TTC4: variants seen among roughly 807,000 people sequenced by gnomAD.
TTC4 encodes the protein hsp70/Hsp90 co-chaperone CNS1 homolog.
Under a neutral mutation model 51.9 loss-of-function variants are expected in TTC4, and 36 were observed. That is an observed-to-expected ratio of 0.69 (90% CI 0.53 to 0.92). The LOEUF is 0.92. TTC4 is among the 40% of genes least tolerant of loss of function. The pLI, the probability that TTC4 is intolerant of heterozygous loss-of-function variation, is 0.00. For missense variants in TTC4, 399 were observed against 454.6 expected (o/e 0.88, Z 1.11); for synonymous variants, 144 against 164.2 (o/e 0.88, Z 0.94).
At chr1:54,724,827 T>TA (rs911493218) in intron 5 of TTC4, among the ~76,000 whole-genome samples, 2 of 152,168 alleles carry the variant, frequency 1.3e-5, no homozygotes, top group African/African-American at 4.8e-5. Context: ...TTCTCCTCCA[T>TA]AAAATCAATG....
At chr1:54,720,338 A>T (rs1444953220) in intron 3 of TTC4, among the ~76,000 whole-genome samples, 1 of 152,146 alleles carries the variant, frequency 6.6e-6, no homozygotes, top group African/African-American at 2.4e-5. Context: ...ATTTAGGTAA[A>T]TACTAAACCA....
chr1:54,716,313 C>T (rs752973058), intron 1 of TTC4, among the ~76,000 whole-genome samples: 7 of 152,136 alleles, frequency 4.6e-5, no homozygotes, highest in Non-Finnish European at 8.8e-5. Context: ...ACTATATCAC[C>T]AATAGCAAAG....
At position 54,731,488 on chromosome 1, in the gene TTC4, T is replaced by G. The variant is rs151170000; in HGVS notation, c.684T>G (p.Ala228=). ...QNEALLQAIK[A]RNIRLSEAAC... ...GTGTGTTTCTGTCTTTAACCCAGGCTAGGAATATCAGGCTCTCAGAAGCTG... is the reference window on the plus strand; with the variant it reads ...GTGTGTTTCTGTCTTTAACCCAGGCGAGGAATATCAGGCTCTCAGAAGCTG... The change falls in exon 7 of 10, where the codon GCT becomes GCG. Residue 228 remains alanine (A), a splice_region_variant and synonymous_variant. Transcript: ENST00000371281. 3.7e-5 allele frequency: 60 copies of G among 1,613,810 alleles called. No homozygotes were observed. The highest frequency in any genetic ancestry group is 4.7e-5 in the Non-Finnish European group (56 of 1,179,838).
intron 9 of TTC4, among the ~76,000 whole-genome samples, chr1:54,740,029 C>T (rs10888874): frequency 0.12 from 18,090 of 152,032 alleles, 1,805 homozygotes; most frequent in African/African-American, 0.26. Context: ...CTATAGAAAT[C>T]TTTTTTATGG....
At chr1:54,728,477 T>C in intron 6 of TTC4, 45 bp downstream of exon 6, 1 of 1,554,944 alleles carries the variant, frequency 6.4e-7, no homozygotes, top group Non-Finnish European at 8.8e-7. Context: ...CTAAATCCAC[T>C]AATCCTGTGA....
intron 4 of TTC4, 62 bp from the exon 5 acceptor site, chr1:54,722,613 G>A (rs1016014557): frequency 6.3e-7 from 1 of 1,595,982 alleles, no homozygotes. Context: ...GGGAGATCTT[G>A]CCCAAAGCAG....
chr1:54,721,747 C>T (rs1433277404), intron 4 of TTC4, among the ~76,000 whole-genome samples: 1 of 152,222 alleles, frequency 6.6e-6, no homozygotes, highest in African/African-American at 2.4e-5. Flanking sequence ...ACATATTAAT[C>T]TTCCCTGCAT....
At chr1:54,732,868 T>C (rs1486793493) in intron 7 of TTC4, among the ~76,000 whole-genome samples, 1 of 151,932 alleles carries the variant, frequency 6.6e-6, no homozygotes, top group South Asian at 2.1e-4. Context: ...GGAGGATCAC[T>C]AGAGGCCAGG....
chr1:54,721,221 C>T lies in TTC4; in HGVS notation c.450C>T (p.His150=), dbSNP rs769400974. 2 of 1,613,176 alleles carry T rather than the reference C, an allele frequency of 1.2e-6. No individual in the cohort carries two copies. The highest frequency in any genetic ancestry group is 8.5e-7 in the Non-Finnish European group (1 of 1,179,476). Residue 150 remains histidine (H), a synonymous_variant, in exon 4 of 10, where the codon CAC becomes CAT. Coordinates refer to ENST00000371281, the MANE Select transcript of TTC4 (RefSeq NM_004623.5). The part of the protein sequence containing the change: ...VTAARKLKPC[H]LKAIIRGALC... ...CTGCCAGAAAGCTAAAACCCTGCCA[C>T]CTCAAAGCAATAATAAGAGGTAAGT...
At chr1:54,737,817 C>T (rs562472620) in intron 9 of TTC4, among the ~76,000 whole-genome samples, 153 bp downstream of exon 9, 24 of 152,312 alleles carry the variant, frequency 1.6e-4, no homozygotes, top group Admixed American at 2.6e-4. Flanking sequence ...CTGGGGATGC[C>T]TCACAATCAT....
intron 6 of TTC4, among the ~76,000 whole-genome samples, chr1:54,730,457 T>A (rs955940275): frequency 4.6e-5 from 7 of 152,204 alleles, no homozygotes; most frequent in African/African-American, 1.7e-4. Context: ...TTTGTTTATG[T>A]ACTACTTATG....
intron 1 of TTC4, 59 bp downstream of exon 1, chr1:54,716,078 C>T (rs1245979193): frequency 2.9e-6 from 4 of 1,402,956 alleles, no homozygotes; most frequent in Non-Finnish European, 3.9e-6. Flanking sequence ...TCGTGGGGCA[C>T]CCGGGCTCTG....
chr1:54,719,800 T>C (rs552581747), intron 3 of TTC4, among the ~76,000 whole-genome samples: 20 of 152,268 alleles, frequency 1.3e-4, no homozygotes, highest in Non-Finnish European at 2.5e-4. Context: ...TTCTGATAAT[T>C]CTGATTATTC....
rs1180973 is a variant in TTC4 at position 54,720,989 on chromosome 1, G to C, written c.392-174G>C. 8.8e-3 allele frequency among the ~76,000 whole-genome samples: 1,337 copies of C among 152,190 alleles called. 40 individuals are homozygous for C. Among genetic ancestry groups the C allele is most frequent in the South Asian group, 0.087 (418 of 4,822 alleles). ...CCATTTACAGTTCTGTAGATTGCCT[G>C]TTATAGACATTTCTAAGGCTCTTGA... On this transcript the variant is annotated intron_variant, in intron 3 of 9. Coordinates refer to ENST00000371281, the MANE Select transcript of TTC4 (RefSeq NM_004623.5).
chr1:54,733,106 AAAAG>A (rs1645887733), intron 7 of TTC4, among the ~76,000 whole-genome samples: 1 of 150,316 alleles, frequency 6.7e-6, no homozygotes, highest in South Asian at 2.1e-4. Flanking sequence ...AAAAAAAAAG[AAAAG>A]AAAAGAAAAA....
At chr1:54,718,024 T>A (rs980079406) in intron 3 of TTC4, among the ~76,000 whole-genome samples, 1 of 152,130 alleles carries the variant, frequency 6.6e-6, no homozygotes, top group Admixed American at 6.5e-5. Flanking sequence ...GATCTTTAGG[T>A]GAGATAAGCT....
chr1:54,722,913 C>A, intron 5 of TTC4, 114 bp downstream of exon 5: 1 of 1,387,596 alleles, frequency 7.2e-7, no homozygotes, highest in Non-Finnish European at 9.7e-7. Flanking sequence ...CAAAACTAGT[C>A]CCTACTCCTG....
intron 6 of TTC4, among the ~76,000 whole-genome samples, chr1:54,730,282 T>A (rs1470752925): frequency 8.0e-6 from 1 of 125,130 alleles, no homozygotes; most frequent in Non-Finnish European, 1.7e-5. Flanking sequence ...CATAAATCCT[T>A]TTTTTTTTTT....
intron 7 of TTC4, among the ~76,000 whole-genome samples, chr1:54,733,355 G>A (rs1645892360): frequency 6.6e-6 from 1 of 151,696 alleles, no homozygotes; most frequent in Non-Finnish European, 1.5e-5. Context: ...GGAAGTCGAG[G>A]CTACAGTGAG....
Sources: gnomAD v4.1 joint callset for allele counts (sites outside exome capture counted in the v4.1 genomes callset) on GRCh38, gnomAD v4.1.1 for gene constraint, MANE v1.5 for transcripts, NCBI Gene and HGNC (gene_info 2026-07-23, HGNC 2026-07-21) for gene names.